TENM3: variants seen among roughly 807,000 people sequenced by gnomAD.
TENM3 encodes teneurin transmembrane protein 3.
In TENM3, 63 loss-of-function variants were observed where a neutral mutation model predicts 255.1. That is an observed-to-expected ratio of 0.25 (90% CI 0.20 to 0.30). The LOEUF is 0.30. Ranked by LOEUF, TENM3 falls within the 10% of genes least tolerant of loss-of-function variation. TENM3 has a pLI of 1.00. For missense variants in TENM3, 2,929 were observed against 3,461.1 expected (o/e 0.85, Z 3.86); for synonymous variants, 1,306 against 1,322.3 (o/e 0.99, Z 0.27).
chr4:181,630,847 A>G, the TENM3 span, among the ~76,000 whole-genome samples: 3 of 152,150 alleles, frequency 2.0e-5, no homozygotes, highest in East Asian at 5.8e-4. Flanking sequence ...GTAGACGTCT[A>G]TTAGGTCCGC....
rs527448860 is a variant in TENM3, at chr4:182,619,630, C to G, written c.750-9021C>G. 4.8e-5 allele frequency among the ~76,000 whole-genome samples: 7 copies of G among 146,778 alleles called. No individual in the cohort carries two copies. In the Admixed American group the frequency reaches 4.8e-4, roughly 10 times the overall value. On this transcript the variant is annotated intron_variant, in intron 4 of 27. Coordinates refer to ENST00000511685, the MANE Select transcript of TENM3 (RefSeq NM_001080477.4). ...TACAAGTTAATGACGCAATGCAGTT[C>G]CACCGTTCTTGTCTTGTTGTTGTTA...
At chr4:181,955,023 C>T in the TENM3 span, among the ~76,000 whole-genome samples, 2 of 152,170 alleles carry the variant, frequency 1.3e-5, no homozygotes, top group African/African-American at 2.4e-5. Context: ...TGGCCACATA[C>T]GTATGGTTCT....
At chr4:181,944,048 T>C in the TENM3 span, among the ~76,000 whole-genome samples, 12 of 152,124 alleles carry the variant, frequency 7.9e-5, no homozygotes, top group Admixed American at 4.6e-4. Flanking sequence ...TACAAGTCCT[T>C]TTTGTCTCTA....
chr4:182,323,620 A>G (rs942190783), intron 1 of TENM3, among the ~76,000 whole-genome samples: 5 of 152,202 alleles, frequency 3.3e-5, no homozygotes, highest in Non-Finnish European at 5.9e-5. Flanking sequence ...TGGAAAATTT[A>G]ACAAACTATT....
At chr4:181,953,278 A>G in the TENM3 span, among the ~76,000 whole-genome samples, 1 of 151,226 alleles carries the variant, frequency 6.6e-6, no homozygotes, top group Admixed American at 6.6e-5. Flanking sequence ...CACCACCACC[A>G]TCATCATCAT....
Position 182,271,254 on chromosome 4 carries a change from T to G in TENM3, c.-76+27778T>G, listed in dbSNP as rs565138143. ...AGGACTTATTCTTCTTTCTTGACAG[T>G]TCAAAGCCTAACCACCCCCTTCCTA... On this transcript the variant is annotated intron_variant, in intron 1 of 27. Transcript: ENST00000511685. Among the ~76,000 whole-genome samples, 70 of 152,272 alleles carry G rather than the reference T, an allele frequency of 4.6e-4. 1 individual carries two copies. The highest frequency in any genetic ancestry group is 1.6e-3 in the African/African-American group (68 of 41,546).
At chr4:182,368,187 A>G (rs1053763631) in intron 3 of TENM3, among the ~76,000 whole-genome samples, 5 of 152,196 alleles carry the variant, frequency 3.3e-5, no homozygotes, top group Non-Finnish European at 4.4e-5. Flanking sequence ...CACAGCCGTA[A>G]TGAGGGTTTT....
At chr4:182,640,338 C>T (rs1752192066) in intron 5 of TENM3, among the ~76,000 whole-genome samples, 1 of 152,158 alleles carries the variant, frequency 6.6e-6, no homozygotes, top group Non-Finnish European at 1.5e-5. Context: ...ACTGAAAATG[C>T]TGTGGGGCTT....
At chr4:182,541,848 C>T (rs1740909523) in intron 3 of TENM3, among the ~76,000 whole-genome samples, 2 of 152,030 alleles carry the variant, frequency 1.3e-5, no homozygotes, top group South Asian at 4.2e-4. Flanking sequence ...TGCTTGAGGC[C>T]AGGAGTTCAA....
intron 22 of TENM3, among the ~76,000 whole-genome samples, chr4:182,767,627 A>G (rs746564042): frequency 3.9e-5 from 6 of 152,298 alleles, no homozygotes; most frequent in Middle Eastern, 3.4e-3. Context: ...ACGTATATAC[A>G]CTACGTATAC....
At chr4:182,047,993 C>T in the TENM3 span, among the ~76,000 whole-genome samples, 1 of 152,132 alleles carries the variant, frequency 6.6e-6, no homozygotes, top group South Asian at 2.1e-4. Flanking sequence ...GAATATTCTA[C>T]AGGAGTTTGT....
chr4:182,211,424 G>A (rs760354713), intron 1 of TENM3, among the ~76,000 whole-genome samples: 10 of 152,082 alleles, frequency 6.6e-5, no homozygotes, highest in South Asian at 2.1e-4. Context: ...CTATTTATGC[G>A]GTGGCTCGCT....
the TENM3 span, among the ~76,000 whole-genome samples, chr4:182,043,181 C>T: frequency 6.6e-6 from 1 of 152,010 alleles, no homozygotes; most frequent in Non-Finnish European, 1.5e-5. Flanking sequence ...CTTACATGCC[C>T]AGTGAGTAAT....
chr4:182,691,047 A>G lies in TENM3; in HGVS notation c.2221+2696A>G, dbSNP rs369794975. ...ATACTAATAAGATGAGTTATTTCCAATTTTGGCATACAAAGATCCAATTGC... is the reference window on the plus strand; with the variant it reads ...ATACTAATAAGATGAGTTATTTCCAGTTTTGGCATACAAAGATCCAATTGC... On this transcript the variant is annotated intron_variant, in intron 12 of 27. Coordinates refer to ENST00000511685, the MANE Select transcript of TENM3 (RefSeq NM_001080477.4). 8.5e-5 allele frequency among the ~76,000 whole-genome samples: 13 copies of G among 152,330 alleles called. No individual in the cohort carries two copies. The East Asian group carries it at 9.7e-4, about 11-fold the overall frequency.
At chr4:181,676,976 C>T in the TENM3 span, among the ~76,000 whole-genome samples, 3 of 143,368 alleles carry the variant, frequency 2.1e-5, no homozygotes, top group East Asian at 2.1e-4. Flanking sequence ...ATGACCTATG[C>T]TCCCGATTTT....
At chr4:182,176,737 G>A (rs1480633907) in intron 1 of TENM3, among the ~76,000 whole-genome samples, 6 of 151,270 alleles carry the variant, frequency 4.0e-5, no homozygotes, top group South Asian at 2.1e-4. Context: ...GCGTGATCTC[G>A]GCTCACTGCA....
the TENM3 span, among the ~76,000 whole-genome samples, chr4:182,020,860 A>T: frequency 3.3e-5 from 5 of 152,110 alleles, no homozygotes; most frequent in Admixed American, 3.3e-4. Flanking sequence ...ACCTGGTACC[A>T]CATCCTCCTT....
intron 1 of TENM3, among the ~76,000 whole-genome samples, chr4:182,305,526 G>C (rs1194948065): frequency 6.6e-6 from 1 of 152,212 alleles, no homozygotes; most frequent in Non-Finnish European, 1.5e-5. Context: ...ATGGAAGAGA[G>C]TTATTATTCA....
chr4:181,890,961 C>G, the TENM3 span, among the ~76,000 whole-genome samples: 4 of 152,210 alleles, frequency 2.6e-5, no homozygotes, highest in African/African-American at 7.2e-5. Flanking sequence ...TCACTGCACT[C>G]TTACCCCAGT....
Sources: allele counts gnomAD v4.1 joint callset (sites outside exome capture counted in the v4.1 genomes callset), GRCh38; gene constraint gnomAD v4.1.1; transcripts MANE v1.5; gene names NCBI Gene and HGNC (gene_info 2026-07-23, HGNC 2026-07-21).